The following NSMCE2 variants were observed in gnomAD, a reference collection of about 807,000 sequenced individuals.
The protein encoded by NSMCE2 is NSE2 SUMO ligase component of SMC5/6 complex, also known as E3 SUMO-protein ligase NSE2.
Under a neutral mutation model 23.8 loss-of-function variants are expected in NSMCE2, and 24 were observed. The observed-to-expected ratio is 1.01, with a 90% CI of 0.73 to 1.42. NSMCE2 has a LOEUF of 1.42. Among genes scored for constraint, NSMCE2 ranks in the 40% most tolerant of loss-of-function variants. The pLI, the probability that NSMCE2 is intolerant of heterozygous loss-of-function variation, is 0.00. For synonymous variants in NSMCE2, 92 were observed against 94.1 expected (o/e 0.98, Z 0.13); for missense variants, 284 against 296.5 (o/e 0.96, Z 0.31).
intron 5 of NSMCE2, among the ~76,000 whole-genome samples, chr8:125,350,032 G>A (rs559704488): frequency 6.6e-6 from 1 of 152,164 alleles, no homozygotes; most frequent in Non-Finnish European, 1.5e-5. Context: ...TGCCTTGTTG[G>A]ATGAGGCACT....
intron 5 of NSMCE2, among the ~76,000 whole-genome samples, chr8:125,317,495 C>T (rs1350479754): frequency 6.6e-6 from 1 of 152,150 alleles, no homozygotes; most frequent in African/African-American, 2.4e-5. Context: ...CCACACCTGA[C>T]CAAGATTCCT....
At chr8:125,180,036 G>T (rs1350445882) in intron 4 of NSMCE2, among the ~76,000 whole-genome samples, 1 of 152,160 alleles carries the variant, frequency 6.6e-6, no homozygotes, top group East Asian at 1.9e-4. Flanking sequence ...TATAAATCCA[G>T]AAAGAGCGCC....
At chr8:125,140,664 T>G (rs546132995) in intron 3 of NSMCE2, among the ~76,000 whole-genome samples, 3 of 151,844 alleles carry the variant, frequency 2.0e-5, no homozygotes, top group Non-Finnish European at 4.4e-5. Flanking sequence ...AAAAAACATA[T>G]GAGATTTAAG....
chr8:125,235,784 A>G (rs904285684), intron 5 of NSMCE2, among the ~76,000 whole-genome samples: 6 of 152,252 alleles, frequency 3.9e-5, no homozygotes, highest in Non-Finnish European at 7.3e-5. Context: ...AGGAATGGTT[A>G]CATACTCATT....
At chr8:125,289,403 G>A (rs535280433) in intron 5 of NSMCE2, among the ~76,000 whole-genome samples, 1 of 152,244 alleles carries the variant, frequency 6.6e-6, no homozygotes, top group African/African-American at 2.4e-5. Flanking sequence ...TCTGCTCTCA[G>A]TCTGCCCAAG....
chr8:125,101,113 C>T (rs1266153284), intron 1 of NSMCE2, among the ~76,000 whole-genome samples: 1 of 152,200 alleles, frequency 6.6e-6, no homozygotes, highest in African/African-American at 2.4e-5. Context: ...CATCTCTGTG[C>T]ATCTTGCATG....
Position 125,326,173 on chromosome 8 carries a change from C to T in NSMCE2, c.419-31046C>T, listed in dbSNP as rs148908528. On this transcript the variant is annotated intron_variant, in intron 5 of 7. Transcript: ENST00000287437. ...TCGGGAGGCTGAAGCAGGAGAATGG[C>T]GTGAACCCGAGAGGCAGAGCTTGCA... Among the ~76,000 whole-genome samples the T allele has an allele frequency of 2.4e-3, 366 of 152,028 alleles. 3 individuals carry two copies. The highest frequency in any genetic ancestry group is 7.4e-3 in the African/African-American group (305 of 41,460).
rs372926740 is a variant in NSMCE2, at chr8:125,340,175, C to T, written c.419-17044C>T. ...GACTACAGGCGCCCGCCATCACGCCCGGCTAATTTTTTTTTTGTATTTTTA... is the reference window on the plus strand; with the variant it reads ...GACTACAGGCGCCCGCCATCACGCCTGGCTAATTTTTTTTTTGTATTTTTA... On this transcript the variant is annotated intron_variant, in intron 5 of 7. Coordinates refer to ENST00000287437, the MANE Select transcript of NSMCE2 (RefSeq NM_173685.4). Among the ~76,000 whole-genome samples, 52 of 151,902 alleles carry T rather than the reference C, an allele frequency of 3.4e-4. 1 individual carries two copies. The highest frequency in any genetic ancestry group is 2.5e-3 in the East Asian group (13 of 5,172).
intron 5 of NSMCE2, among the ~76,000 whole-genome samples, chr8:125,246,870 C>T (rs974201108): frequency 2.0e-5 from 3 of 151,994 alleles, no homozygotes; most frequent in Admixed American, 6.6e-5. Context: ...TATCTGACAC[C>T]GCATAATTAC....
intron 5 of NSMCE2, among the ~76,000 whole-genome samples, chr8:125,331,003 T>A (rs1391377961): frequency 6.6e-6 from 1 of 152,170 alleles, no homozygotes; most frequent in East Asian, 1.9e-4. Context: ...TTGTGTCATA[T>A]ATTAAGAAAG....
intron 5 of NSMCE2, among the ~76,000 whole-genome samples, chr8:125,219,142 T>A (rs917478605): frequency 6.6e-6 from 1 of 152,190 alleles, no homozygotes; most frequent in Non-Finnish European, 1.5e-5. Context: ...ATTAATAATA[T>A]ACTCCACATA....
Position 125,151,153 on chromosome 8 carries a change from A to AG in NSMCE2, c.158-18_158-17insG. 1 of 1,393,106 alleles carries AG rather than the reference A, an allele frequency of 7.2e-7. No individual in the cohort carries two copies. Among genetic ancestry groups the AG allele is most frequent in the African/African-American group, 1.4e-5 (1 of 70,604 alleles). The allele number at this position is 1,393,106 out of a possible 1,614,324, so 86.3% of individuals were successfully genotyped here. A position where few individuals can be genotyped will look rare whatever the true frequency, so the allele number is the denominator to read the frequency against. On this transcript the variant is annotated splice_polypyrimidine_tract_variant and intron_variant, in intron 3 of 7. Coordinates refer to ENST00000287437, the MANE Select transcript of NSMCE2 (RefSeq NM_173685.4). ...ATTTTAAATGGAAAATAATAATTGC[A>AG]ATTTTTTTTTCTTTCAGCTGAAGTG...
intron 5 of NSMCE2, among the ~76,000 whole-genome samples, chr8:125,352,952 A>G (rs1404508557): frequency 6.6e-6 from 1 of 152,046 alleles, no homozygotes; most frequent in Non-Finnish European, 1.5e-5. Flanking sequence ...GTGGTCTCTT[A>G]CTCACTCGTG....
In NSMCE2 at chr8:125,343,983, G is replaced by A. The variant is rs567317958; in HGVS notation, c.419-13236G>A. Among the ~76,000 whole-genome samples, 12 of 152,212 alleles carry A rather than the reference G, an allele frequency of 7.9e-5. No homozygotes were observed. The South Asian group carries it at 2.5e-3, about 32-fold the overall frequency. On this transcript the variant is annotated intron_variant, in intron 5 of 7. Transcript: ENST00000287437. ...ATCGCGCCACTGCACACCAGCCTGGGGAACAGAGGGAGACTCCATCTCAAA... is the reference window on the plus strand; with the variant it reads ...ATCGCGCCACTGCACACCAGCCTGGAGAACAGAGGGAGACTCCATCTCAAA...
intron 5 of NSMCE2, among the ~76,000 whole-genome samples, chr8:125,226,875 G>A (rs894823927): frequency 7.2e-5 from 11 of 151,922 alleles, no homozygotes; most frequent in Non-Finnish European, 1.0e-4. Context: ...TTCTCTCCCC[G>A]TTTCATGGCA....
intron 5 of NSMCE2, among the ~76,000 whole-genome samples, chr8:125,259,706 A>G (rs34313605): frequency 0.11 from 16,122 of 152,290 alleles, 1,059 homozygotes; most frequent in South Asian, 0.17. Flanking sequence ...AGTAGTAATC[A>G]TAATATAAAC....
chr8:125,311,854 A>G (rs533398990), intron 5 of NSMCE2, among the ~76,000 whole-genome samples: 2 of 151,994 alleles, frequency 1.3e-5, no homozygotes, highest in East Asian at 1.9e-4. Flanking sequence ...CAAGGCGGGT[A>G]GATTACCTGA....
At chr8:125,171,181 T>C (rs1191228516) in intron 4 of NSMCE2, among the ~76,000 whole-genome samples, 9 of 152,202 alleles carry the variant, frequency 5.9e-5, no homozygotes, top group African/African-American at 2.2e-4. Context: ...CTCTGCTCAA[T>C]TGTTCTCCAT....
chr8:125,313,914 C>T (rs879345929), intron 5 of NSMCE2, among the ~76,000 whole-genome samples: 47 of 152,220 alleles, frequency 3.1e-4, no homozygotes, highest in Non-Finnish European at 5.9e-4. Context: ...GCAACTGATG[C>T]TTTCTTACTC....
Sources: gnomAD v4.1 joint callset for allele counts (sites outside exome capture counted in the v4.1 genomes callset) on GRCh38, gnomAD v4.1.1 for gene constraint, MANE v1.5 for transcripts, NCBI Gene and HGNC (gene_info 2026-07-23, HGNC 2026-07-21) for gene names.